THSD4: variants seen among roughly 807,000 people sequenced by gnomAD.
The protein encoded by THSD4 is thrombospondin type 1 domain containing 4.
THSD4 carries 69 observed loss-of-function variants against 119.0 expected under a neutral mutation model. The observed-to-expected ratio is 0.58, with a 90% CI of 0.48 to 0.71. The LOEUF (loss-of-function observed/expected upper bound fraction) is 0.71, where lower values mean the gene tolerates loss of function less well. THSD4 is among the 30% of genes least tolerant of loss of function. The probability of loss-of-function intolerance (pLI) is 0.00; values close to 1 mark genes in which losing one functional copy is unlikely to be tolerated. For missense variants in THSD4, 1,393 were observed against 1,391.1 expected, an observed-to-expected ratio of 1.00 and a Z score of -0.02; for synonymous variants, 524 against 540.4, an observed-to-expected ratio of 0.97 and a Z score of 0.42.
In THSD4 at chr15:71,389,880, G is replaced by T. The variant is rs184433638; in HGVS notation, c.1016-21807G>T. 1.3e-3 allele frequency among the ~76,000 whole-genome samples: 174 copies of T among 138,724 alleles called. 1 individual carries two copies. Among genetic ancestry groups the T allele is most frequent in the Admixed American group, 4.1e-3 (52 of 12,658 alleles). 91.0% of individuals were successfully genotyped at this position (138,724 alleles called of 152,430 possible). Reference sequence around the variant, plus strand: ...GCTGGAATGCAGTGGCATGATCTTGGCTCACTGCAACCTCCACCTCCTGGG... The same window carrying T: ...GCTGGAATGCAGTGGCATGATCTTGTCTCACTGCAACCTCCACCTCCTGGG... On this transcript the variant is annotated intron_variant, in intron 6 of 17. Transcript: ENST00000261862.
At chr15:71,173,985 A>G (rs546185120) in intron 3 of THSD4, among the ~76,000 whole-genome samples, 5 of 152,212 alleles carry the variant, frequency 3.3e-5, no homozygotes, top group Non-Finnish European at 7.3e-5. Flanking sequence ...TAAAACTCTT[A>G]GAAGAAAATG....
chr15:71,728,848 CTG>C, intron 9 of THSD4, 124 bp downstream of exon 9: 1 of 1,262,960 alleles, frequency 7.9e-7, no homozygotes, highest in Non-Finnish European at 1.1e-6. Flanking sequence ...TGAGCAGAGC[CTG>C]TTGGAGGCAC....
At chr15:71,282,799 TCC>T (rs1189995121) in intron 6 of THSD4, among the ~76,000 whole-genome samples, 2 of 152,140 alleles carry the variant, frequency 1.3e-5, no homozygotes, top group Admixed American at 6.5e-5. Context: ...ACTGATTTCT[TCC>T]TTATTCAACT....
chr15:71,664,414 C>T (rs951587431), intron 8 of THSD4, among the ~76,000 whole-genome samples: 8 of 151,946 alleles, frequency 5.3e-5, no homozygotes, highest in African/African-American at 1.9e-4. Context: ...AACTGATTCC[C>T]CAGTAACAAT....
chr15:71,681,699 C>T (rs1209735912), intron 8 of THSD4, among the ~76,000 whole-genome samples: 3 of 144,718 alleles, frequency 2.1e-5, no homozygotes, highest in Admixed American at 6.9e-5. Flanking sequence ...AAAAGTTTTA[C>T]ATGGCACATG....
intron 7 of THSD4, among the ~76,000 whole-genome samples, chr15:71,424,396 A>G: frequency 6.6e-6 from 1 of 152,068 alleles, no homozygotes; most frequent in African/African-American, 2.4e-5. Flanking sequence ...GTGATACTCC[A>G]TTTTTTGACA....
At chr15:71,217,843 G>A (rs1309795284) in intron 4 of THSD4, among the ~76,000 whole-genome samples, 1 of 141,434 alleles carries the variant, frequency 7.1e-6, no homozygotes, top group Non-Finnish European at 1.5e-5. Context: ...CTAGAGTGCA[G>A]TGGTACCATC....
intron 7 of THSD4, among the ~76,000 whole-genome samples, chr15:71,444,631 T>C (rs1282992815): frequency 6.6e-6 from 1 of 152,180 alleles, no homozygotes; most frequent in Non-Finnish European, 1.5e-5. Context: ...TGCACGCTCT[T>C]GGGTTTCTGA....
At chr15:71,458,543 G>A (rs75503997) in intron 7 of THSD4, among the ~76,000 whole-genome samples, 1,993 of 152,270 alleles carry the variant, frequency 0.013, 41 homozygotes, top group African/African-American at 0.04. Context: ...CTCAATAAAT[G>A]TTCACTGACT....
intron 7 of THSD4, among the ~76,000 whole-genome samples, chr15:71,597,251 G>T (rs2049921889): frequency 6.6e-6 from 1 of 152,048 alleles, no homozygotes; most frequent in Admixed American, 6.6e-5. Context: ...TCTCAAGTAG[G>T]CAAGAATATG....
intron 8 of THSD4, among the ~76,000 whole-genome samples, chr15:71,687,375 C>T (rs2051933625): frequency 6.6e-6 from 1 of 151,798 alleles, no homozygotes; most frequent in South Asian, 2.1e-4. Context: ...ATTGCTTCCT[C>T]CTGACAGCAC....
intron 7 of THSD4, among the ~76,000 whole-genome samples, chr15:71,554,153 G>A (rs1253964951): frequency 3.4e-5 from 5 of 145,230 alleles, no homozygotes; most frequent in East Asian, 2.1e-4. Flanking sequence ...GCAGTGGCAC[G>A]ATCTCAGCTC....
intron 7 of THSD4, among the ~76,000 whole-genome samples, chr15:71,635,905 T>C (rs1279801948): frequency 6.6e-6 from 1 of 152,198 alleles, no homozygotes; most frequent in East Asian, 1.9e-4. Flanking sequence ...AAACTGAGGC[T>C]TGGCAAGCTT....
chr15:71,343,989 G>A (rs1180277950), intron 6 of THSD4, among the ~76,000 whole-genome samples: 2 of 151,304 alleles, frequency 1.3e-5, no homozygotes, highest in Non-Finnish European at 2.9e-5. Context: ...GATGGGGGTG[G>A]GGTGGGGGTG....
chr15:71,338,988 C>T (rs970801962), intron 6 of THSD4, among the ~76,000 whole-genome samples: 2 of 152,144 alleles, frequency 1.3e-5, no homozygotes, highest in African/African-American at 2.4e-5. Context: ...CCAGTGTTTA[C>T]GAGTTAAAAG....
intron 7 of THSD4, among the ~76,000 whole-genome samples, chr15:71,537,716 A>G (rs1021595078): frequency 6.6e-5 from 10 of 152,094 alleles, no homozygotes; most frequent in African/African-American, 1.9e-4. Flanking sequence ...GACAAGTGAA[A>G]TACATTCTCT....
intron 17 of THSD4, among the ~76,000 whole-genome samples, chr15:71,774,181 C>T (rs1475935143): frequency 6.6e-6 from 1 of 151,900 alleles, no homozygotes; most frequent in Non-Finnish European, 1.5e-5. Flanking sequence ...TGTGGTGGCG[C>T]ATGCCTATAG....
chr15:71,510,862 A>G (rs772950992), intron 7 of THSD4, among the ~76,000 whole-genome samples: 4 of 152,038 alleles, frequency 2.6e-5, no homozygotes, highest in Non-Finnish European at 5.9e-5. Context: ...TTTTGCTTGA[A>G]TGTGACAGTA....
intron 8 of THSD4, among the ~76,000 whole-genome samples, chr15:71,681,890 GA>G (rs2051789960): frequency 6.6e-6 from 1 of 152,178 alleles, no homozygotes; most frequent in South Asian, 2.1e-4. Flanking sequence ...TGGGCTATTA[GA>G]TGTTCCTCTT....
Sources: allele counts gnomAD v4.1 joint callset (sites outside exome capture counted in the v4.1 genomes callset), GRCh38; gene constraint gnomAD v4.1.1; transcripts MANE v1.5; gene names NCBI Gene and HGNC (gene_info 2026-07-23, HGNC 2026-07-21).